TLE1: variants seen among roughly 807,000 people sequenced by gnomAD.
The protein encoded by TLE1 is TLE family member 1, transcriptional corepressor, also known as transducin-like enhancer protein 1.
In TLE1, 21 loss-of-function variants were observed where a neutral mutation model predicts 89.8. The observed-to-expected ratio is 0.23, with a 90% CI of 0.17 to 0.34. TLE1 has a LOEUF of 0.34. Among genes scored for constraint, TLE1 ranks in the 10% least tolerant of loss-of-function variants. The pLI is 1.00. For missense variants in TLE1, 795 were observed against 1,031.2 expected (o/e 0.77, Z 3.14); for synonymous variants, 447 against 407.6 (o/e 1.10, Z -1.16).
intron 4 of TLE1, among the ~76,000 whole-genome samples, chr9:81,667,692 C>T (rs2132879327): frequency 6.7e-6 from 1 of 150,180 alleles, no homozygotes; most frequent in East Asian, 2.1e-4. Context: ...GCGGGGAAGT[C>T]CCAGCCCTTG....
intron 4 of TLE1, among the ~76,000 whole-genome samples, chr9:81,665,730 G>C (rs1831380311): frequency 6.6e-6 from 1 of 152,134 alleles, no homozygotes; most frequent in South Asian, 2.1e-4. Flanking sequence ...ATTTTTAATA[G>C]CGGGCTTGAG....
intron 4 of TLE1, among the ~76,000 whole-genome samples, chr9:81,676,194 C>A (rs1832885371): frequency 6.6e-6 from 1 of 152,114 alleles, no homozygotes; most frequent in South Asian, 2.1e-4. Context: ...AAAATGGATA[C>A]AACTACCACT....
chr9:81,586,551 T>C (rs1828488059), intron 17 of TLE1, among the ~76,000 whole-genome samples: 1 of 152,224 alleles, frequency 6.6e-6, no homozygotes, highest in African/African-American at 2.4e-5. Context: ...ATGCGGTCTG[T>C]CCTTGGCTAA....
chr9:81,608,386 C>T (rs892404403), intron 14 of TLE1, among the ~76,000 whole-genome samples: 7 of 151,974 alleles, frequency 4.6e-5, no homozygotes, highest in Admixed American at 2.0e-4. Context: ...TGGTGACACA[C>T]GCCTGTAGTC....
At chr9:81,598,704 C>A (rs541936602) in intron 14 of TLE1, among the ~76,000 whole-genome samples, 2 of 151,686 alleles carry the variant, frequency 1.3e-5, no homozygotes, top group South Asian at 4.2e-4. Flanking sequence ...CCAAATGTCA[C>A]TAAGAGATGG....
At chr9:81,666,713 TGCAATGA>T (rs1831507405) in intron 4 of TLE1, among the ~76,000 whole-genome samples, 1 of 151,272 alleles carries the variant, frequency 6.6e-6, no homozygotes, top group South Asian at 2.1e-4. Flanking sequence ...AAGCGGAGGT[TGCAATGA>T]GCCAAGATCA....
chr9:81,633,388 C>T lies in TLE1; in HGVS notation c.578-24G>A, dbSNP rs1564000551. On this transcript the variant is annotated intron_variant, in intron 7 of 19. Transcript: ENST00000376499. ...GTCTGCTCCCGAGGTTACCAAGAAA[C>T]GCACAGACATGCCCGTTCAGACACA... 27 of 1,613,284 alleles carry T rather than the reference C, an allele frequency of 1.7e-5. No homozygotes were observed. The East Asian group carries it at 4.2e-4, about 25-fold the overall frequency.
chr9:81,615,139 C>CAATG (rs1402366637), intron 11 of TLE1, among the ~76,000 whole-genome samples: 1 of 98,918 alleles, frequency 1.0e-5, no homozygotes, highest in Admixed American at 1.3e-4. Context: ...AAGAAGAAGG[C>CAATG]AATGAACATG....
At position 81,633,288 on chromosome 9, in the gene TLE1, CGTGTGTGTGTGTGTGTGTGTGTGTGT is replaced by C; in HGVS notation, c.594+34_594+59del. Reference sequence around the variant, plus strand: ...TGGAGAAGTGTTGTCAGAAGGGGACCGTGTGTGTGTGTGTGTGTGTGTGTGTGTGTGTGTGTGCAGCAGGCGTTTGA... The same window carrying C: ...TGGAGAAGTGTTGTCAGAAGGGGACCGTGTGTGTGTGCAGCAGGCGTTTGA... On this transcript the variant is annotated intron_variant, in intron 8 of 19. Coordinates refer to ENST00000376499, the MANE Select transcript of TLE1 (RefSeq NM_005077.5). 4.5e-6 allele frequency: 7 copies of C among 1,569,962 alleles called. No homozygotes were observed. In the South Asian group the frequency reaches 5.7e-5, roughly 13 times the overall value.
At chr9:81,683,814 T>C (rs956454377) in intron 4 of TLE1, among the ~76,000 whole-genome samples, 2 of 152,108 alleles carry the variant, frequency 1.3e-5, no homozygotes, top group African/African-American at 4.8e-5. Context: ...AGACAGTATA[T>C]AGCCACAAAT....
rs151172830 is a variant in TLE1, at chr9:81,613,677, C to T, written c.919-156G>A. Among the ~76,000 whole-genome samples the T allele has an allele frequency of 3.1e-3, 467 of 152,254 alleles. 2 individuals are homozygous for T. Among genetic ancestry groups the T allele is most frequent in the Non-Finnish European group, 4.9e-3 (331 of 68,010 alleles). On this transcript the variant is annotated intron_variant, in intron 11 of 19. Transcript: ENST00000376499. The stretch of plus-strand genomic sequence containing the variant: ...AATGTTGACAGCATTAACTTGTGAG[C>T]GAGAAATGTTGACCTTTCCTCTTCC...
At chr9:81,628,541 T>C (rs1826186610) in intron 8 of TLE1, among the ~76,000 whole-genome samples, 1 of 152,164 alleles carries the variant, frequency 6.6e-6, no homozygotes, top group African/African-American at 2.4e-5. Context: ...AAGTGATGGA[T>C]GGGTGGTCCT....
chr9:81,605,802 C>CA (rs60746596), intron 14 of TLE1, among the ~76,000 whole-genome samples: 3,626 of 132,444 alleles, frequency 0.027, 77 homozygotes, highest in African/African-American at 0.071. Context: ...TTCTGCACGG[C>CA]AAAAAAAAAA....
chr9:81,643,956 T>G (rs929220207), intron 6 of TLE1, among the ~76,000 whole-genome samples: 2 of 152,114 alleles, frequency 1.3e-5, no homozygotes, highest in Non-Finnish European at 2.9e-5. Context: ...CATGTGAAGG[T>G]GGATCCACTA....
At chr9:81,625,832 T>C (rs993860997) in intron 8 of TLE1, among the ~76,000 whole-genome samples, 1 of 150,946 alleles carries the variant, frequency 6.6e-6, no homozygotes, top group Non-Finnish European at 1.5e-5. Context: ...TTCCAAGAAT[T>C]TGACTTTTCT....
Position 81,685,662 on chromosome 9 carries a change from C to G in TLE1, c.234+14G>C. On this transcript the variant is annotated intron_variant, in intron 4 of 19. Transcript: ENST00000376499. Reference sequence around the variant, plus strand: ...TGATGTCTCATTTCAGCTTGAAGTTCAACTAAAGCTTACCTGTTTGTGCAT... The same window carrying G: ...TGATGTCTCATTTCAGCTTGAAGTTGAACTAAAGCTTACCTGTTTGTGCAT... The G allele has an allele frequency of 1.2e-6, 2 of 1,612,500 alleles. No homozygotes were observed. The highest frequency in any genetic ancestry group is 8.5e-7 in the Non-Finnish European group (1 of 1,179,036).
chr9:81,604,371 G>A (rs1347123923), intron 14 of TLE1, among the ~76,000 whole-genome samples: 1 of 152,166 alleles, frequency 6.6e-6, no homozygotes, highest in Non-Finnish European at 1.5e-5. Flanking sequence ...CCACAAGAGA[G>A]GGCTGAAGCG....
chr9:81,656,605 C>T (rs1830177441), intron 4 of TLE1, among the ~76,000 whole-genome samples: 1 of 152,162 alleles, frequency 6.6e-6, no homozygotes, highest in Admixed American at 6.5e-5. Context: ...CACTTATGTG[C>T]ACAGAAGCCC....
chr9:81,624,164 C>A (rs1024101304), intron 8 of TLE1, among the ~76,000 whole-genome samples: 1 of 152,230 alleles, frequency 6.6e-6, no homozygotes, highest in Admixed American at 6.5e-5. Flanking sequence ...TAATACCTGA[C>A]GCATGGTTTC....
Sources: allele counts gnomAD v4.1 joint callset (sites outside exome capture counted in the v4.1 genomes callset), GRCh38; gene constraint gnomAD v4.1.1; transcripts MANE v1.5; gene names NCBI Gene and HGNC (gene_info 2026-07-23, HGNC 2026-07-21).